Variants in FILIP1 observed in about 807,000 individuals in gnomAD.
The protein encoded by FILIP1 is filamin-A-interacting protein 1.
In FILIP1, 61 loss-of-function variants were observed where a neutral mutation model predicts 102.1. That is an observed-to-expected ratio of 0.60 (90% CI 0.49 to 0.74). FILIP1 has a LOEUF of 0.74. FILIP1 is among the 30% of genes least tolerant of loss of function. The pLI, the probability that FILIP1 is intolerant of heterozygous loss-of-function variation, is 0.00. For synonymous variants in FILIP1, 491 were observed against 526.9 expected, an observed-to-expected ratio of 0.93 and a Z score of 0.93; for missense variants, 1,314 against 1,441.2, an observed-to-expected ratio of 0.91 and a Z score of 1.43.
chr6:75,348,234 G>T (rs892229481), intron 4 of FILIP1, among the ~76,000 whole-genome samples: 2 of 152,192 alleles, frequency 1.3e-5, no homozygotes, highest in African/African-American at 4.8e-5. Context: ...AGAAAGTAAA[G>T]CACAGACTCT....
intron 1 of FILIP1, among the ~76,000 whole-genome samples, chr6:75,483,220 T>C (rs928754820): frequency 4.6e-5 from 7 of 152,202 alleles, no homozygotes; most frequent in African/African-American, 7.2e-5. Flanking sequence ...ATTTTAAAAG[T>C]TCTTCGGAGT....
chr6:75,352,119 G>A (rs1774830192), intron 4 of FILIP1, among the ~76,000 whole-genome samples: 1 of 152,124 alleles, frequency 6.6e-6, no homozygotes, highest in Non-Finnish European at 1.5e-5. Context: ...TTTAAAAAAT[G>A]TTTAAGCCAA....
intron 4 of FILIP1, chr6:75,319,466 G>A (rs1006425823): frequency 1.7e-5 from 10 of 604,950 alleles, no homozygotes; most frequent in Non-Finnish European, 2.9e-5. Context: ...GGCCTTGTCC[G>A]CCTTTGCCAT....
At position 75,313,291 on chromosome 6, in the gene FILIP1, C is replaced by T. The variant is rs776471964; in HGVS notation, c.2541G>A (p.Val847=). 2 of 1,614,162 alleles carry T rather than the reference C, an allele frequency of 1.2e-6. No individual in the cohort carries two copies. Among genetic ancestry groups the T allele is most frequent in the Non-Finnish European group, 1.7e-6 (2 of 1,180,030 alleles). The stretch of plus-strand genomic sequence containing the variant: ...ACCTGTCTAGAACAGAAGATCTTTC[C>T]ACGGGTTTCTTCAATCCCACCTGCC... ...NLRQVGLKKP[V]ERSSVLDRYP... Residue 847 remains valine (V), a synonymous_variant, in exon 5 of 6, where the codon GTG becomes GTA. Coordinates refer to ENST00000237172, the MANE Select transcript of FILIP1 (RefSeq NM_015687.5). The surrounding 1 kb of genome is among the most constrained non-coding windows in gnomAD (Gnocchi z 4.2).
intron 1 of FILIP1, among the ~76,000 whole-genome samples, chr6:75,469,104 T>C (rs1449398673): frequency 6.6e-6 from 1 of 152,014 alleles, no homozygotes; most frequent in Non-Finnish European, 1.5e-5. Context: ...TTAAATTCTA[T>C]TATTAATTCT....
intron 4 of FILIP1, among the ~76,000 whole-genome samples, chr6:75,327,448 T>C (rs970177092): frequency 1.3e-5 from 2 of 151,710 alleles, no homozygotes; most frequent in Non-Finnish European, 2.9e-5. Flanking sequence ...ATCATGTCAC[T>C]CTGCTTGTAA....
At chr6:75,310,610 A>G (rs1773148839) in intron 5 of FILIP1, among the ~76,000 whole-genome samples, 2 of 152,234 alleles carry the variant, frequency 1.3e-5, no homozygotes, top group South Asian at 2.1e-4. Context: ...AAAAATGTCA[A>G]TACAGAGGGT....
chr6:75,362,901 A>G lies in FILIP1; in HGVS notation c.293T>C (p.Ile98Thr). Residue 98 changes from isoleucine (I) to threonine (T), a missense_variant, in exon 3 of 6, where the codon ATC becomes ACC. Physicochemically the swap from Ile to Thr is moderately conservative, Grantham distance 89 (BLOSUM62 -1). This residue lies in a region of FILIP1 where 494 missense variants were observed against 511.2 expected (regional missense o/e 0.97). Coordinates refer to ENST00000237172, the MANE Select transcript of FILIP1 (RefSeq NM_015687.5). ...GGTTTTCTCTGTCTTCAGCATGTGG[A>G]TCACATCTTCTCTGGCCTGTAATAG... is the stretch of plus-strand genomic sequence containing the variant. ...EGELQAREDV[I>T]HMLKTEKTKP... is the part of the protein sequence containing the mutation. 6.2e-7 allele frequency: 1 copy of G among 1,613,906 alleles called. No homozygotes were observed. The highest frequency in any genetic ancestry group is 1.1e-5 in the South Asian group (1 of 91,066).
chr6:75,423,830 T>A (rs918580445), intron 1 of FILIP1, among the ~76,000 whole-genome samples: 1 of 152,154 alleles, frequency 6.6e-6, no homozygotes, highest in Non-Finnish European at 1.5e-5. Context: ...ATCCAGAAAA[T>A]GCTTTCCAAG....
intron 2 of FILIP1, among the ~76,000 whole-genome samples, chr6:75,378,189 A>G (rs1775802925): frequency 6.8e-6 from 1 of 147,580 alleles, no homozygotes; most frequent in Admixed American, 6.8e-5. Flanking sequence ...TGTCTGAAGG[A>G]CTCATGTCTG....
chr6:75,297,480 T>C (rs887993787), intron 6 of FILIP1, among the ~76,000 whole-genome samples: 2 of 152,186 alleles, frequency 1.3e-5, no homozygotes, highest in African/African-American at 4.8e-5. Flanking sequence ...ATGTCTTATA[T>C]ACCTAAGAAT....
chr6:75,375,492 G>A (rs1184678652), intron 2 of FILIP1, among the ~76,000 whole-genome samples: 1 of 152,212 alleles, frequency 6.6e-6, no homozygotes, highest in Non-Finnish European at 1.5e-5. Context: ...CCACAGGAGT[G>A]TGTGGAACAT....
At chr6:75,377,773 A>G (rs1320046470) in intron 2 of FILIP1, among the ~76,000 whole-genome samples, 1 of 152,254 alleles carries the variant, frequency 6.6e-6, no homozygotes, top group Non-Finnish European at 1.5e-5. Context: ...AAAGGACAGA[A>G]CTGCTTTTTA....
chr6:75,465,424 G>A, intron 1 of FILIP1: 1 of 673,908 alleles, frequency 1.5e-6, no homozygotes, highest in South Asian at 1.7e-5. Flanking sequence ...TGAAGTGGTG[G>A]ACCCATTTCA....
intron 1 of FILIP1, among the ~76,000 whole-genome samples, chr6:75,448,637 A>C (rs1011142023): frequency 3.3e-5 from 5 of 152,174 alleles, no homozygotes; most frequent in African/African-American, 9.6e-5. Flanking sequence ...ATCTACAAGG[A>C]ATATAAACAA....
intron 2 of FILIP1, among the ~76,000 whole-genome samples, chr6:75,368,224 C>T (rs1464333246): frequency 2.0e-5 from 3 of 152,176 alleles, no homozygotes; most frequent in Non-Finnish European, 4.4e-5. Context: ...GGTTTCTCAG[C>T]TGGCTGGATA....
chr6:75,321,520 C>T (rs1773653943), intron 4 of FILIP1, among the ~76,000 whole-genome samples: 1 of 152,184 alleles, frequency 6.6e-6, no homozygotes. Flanking sequence ...ATCGGCCGGG[C>T]GCGGTGGCTC....
At chr6:75,355,210 G>A (rs150138602) in intron 3 of FILIP1, among the ~76,000 whole-genome samples, 7,699 of 151,840 alleles carry the variant, frequency 0.051, 285 homozygotes, top group Non-Finnish European at 0.068. Context: ...CAGAAAAATC[G>A]CTTGAACCCG....
intron 2 of FILIP1, among the ~76,000 whole-genome samples, chr6:75,397,585 CAT>C (rs143716551): frequency 0.24 from 7,025 of 29,824 alleles, 468 homozygotes; most frequent in African/African-American, 0.34. Flanking sequence ...CACACGTATA[CAT>C]ATATATATAT....
Sources: allele counts gnomAD v4.1 joint callset (sites outside exome capture counted in the v4.1 genomes callset), GRCh38; gene constraint gnomAD v4.1.1; regional missense constraint gnomAD v4.1.1; non-coding constraint Gnocchi (gnomAD v3.1); transcripts MANE v1.5; gene names NCBI Gene and HGNC (gene_info 2026-07-23, HGNC 2026-07-21).